XKR6: variants seen among roughly 807,000 people sequenced by gnomAD.
XKR6 encodes the protein XK-related protein 6.
In XKR6, 22 loss-of-function variants were observed where a neutral mutation model predicts 56.7. The ratio of observed to expected loss-of-function variants is 0.39; its 90% CI spans 0.28 to 0.55. The LOEUF is 0.55. XKR6 is among the 20% of genes least tolerant of loss of function. The pLI is 0.66. For synonymous variants in XKR6, 524 were observed against 387.8 expected (o/e 1.35, Z -4.13); for missense variants, 852 against 889.0 (o/e 0.96, Z 0.53).
At chr8:10,959,402 GT>G (rs1461475340) in intron 1 of XKR6, among the ~76,000 whole-genome samples, 1 of 152,128 alleles carries the variant, frequency 6.6e-6, no homozygotes, top group East Asian at 1.9e-4. Context: ...ATCAGCTCTG[GT>G]TGCTATAACA....
intron 1 of XKR6, among the ~76,000 whole-genome samples, chr8:10,946,221 G>A (rs1351886282): frequency 1.3e-5 from 2 of 151,960 alleles, no homozygotes; most frequent in Admixed American, 1.3e-4. Context: ...GAATGGGGGT[G>A]AGATCAGCTC....
intron 1 of XKR6, among the ~76,000 whole-genome samples, chr8:10,925,606 G>A (rs891659836): frequency 4.6e-5 from 7 of 152,308 alleles, no homozygotes; most frequent in African/African-American, 1.7e-4. Context: ...AAGCAGGTAG[G>A]GGGAAGAGCA....
intron 1 of XKR6, among the ~76,000 whole-genome samples, chr8:11,122,092 T>A (rs1799488199): frequency 1.3e-5 from 2 of 152,224 alleles, no homozygotes; most frequent in African/African-American, 4.8e-5. Context: ...GTTTTTCATC[T>A]CTTCCATCCC....
At chr8:11,033,339 G>T (rs1014536724) in intron 1 of XKR6, among the ~76,000 whole-genome samples, 26 of 149,600 alleles carry the variant, frequency 1.7e-4, no homozygotes, top group Admixed American at 8.6e-4. Context: ...TGGTGATGGT[G>T]GTGGTGATGA....
At chr8:10,910,654 G>A (rs1164988613) in intron 2 of XKR6, among the ~76,000 whole-genome samples, 1 of 152,198 alleles carries the variant, frequency 6.6e-6, no homozygotes, top group Non-Finnish European at 1.5e-5. Context: ...GGACAACAGG[G>A]AAGTACCAGA....
intron 1 of XKR6, among the ~76,000 whole-genome samples, chr8:10,978,486 G>T (rs1000096139): frequency 1.3e-5 from 2 of 152,172 alleles, no homozygotes; most frequent in East Asian, 3.8e-4. Context: ...AAGACGATTT[G>T]TTGAAGGCTG....
At chr8:11,069,256 C>G (rs1397763148) in intron 1 of XKR6, among the ~76,000 whole-genome samples, 2 of 151,088 alleles carry the variant, frequency 1.3e-5, no homozygotes, top group Non-Finnish European at 3.0e-5. Flanking sequence ...AAAAAAAAAT[C>G]TACATTTGGA....
intron 1 of XKR6, among the ~76,000 whole-genome samples, chr8:11,025,182 C>G (rs1385989143): frequency 6.6e-6 from 1 of 152,226 alleles, no homozygotes; most frequent in Non-Finnish European, 1.5e-5. Context: ...TCTGTTCCTG[C>G]CTCTTCTCCC....
chr8:10,999,097 T>C (rs1798182274), intron 1 of XKR6, among the ~76,000 whole-genome samples: 2 of 152,240 alleles, frequency 1.3e-5, no homozygotes, highest in African/African-American at 4.8e-5. Flanking sequence ...TTCTCCCTCC[T>C]AGGTCTAGCT....
At chr8:11,132,240 G>C (rs1800139130) in intron 1 of XKR6, among the ~76,000 whole-genome samples, 1 of 152,158 alleles carries the variant, frequency 6.6e-6, no homozygotes, top group African/African-American at 2.4e-5. Context: ...CAAGATCAAA[G>C]TGAATGCATC....
At chr8:11,131,637 T>C (rs1800108664) in intron 1 of XKR6, among the ~76,000 whole-genome samples, 1 of 152,294 alleles carries the variant, frequency 6.6e-6, no homozygotes, top group Non-Finnish European at 1.5e-5. Flanking sequence ...TGTCTAGCTC[T>C]CCTTTTCCAG....
At chr8:10,963,896 C>A (rs1393684940) in intron 1 of XKR6, among the ~76,000 whole-genome samples, 1 of 152,216 alleles carries the variant, frequency 6.6e-6, no homozygotes, top group East Asian at 1.9e-4. Context: ...GAACTGGGGT[C>A]AGTCCTGGAT....
At chr8:10,975,614 C>T (rs1802531929) in intron 1 of XKR6, among the ~76,000 whole-genome samples, 1 of 152,238 alleles carries the variant, frequency 6.6e-6, no homozygotes, top group Non-Finnish European at 1.5e-5. Flanking sequence ...TGACTCCTCT[C>T]TGGGCTGGAG....
intron 1 of XKR6, among the ~76,000 whole-genome samples, chr8:10,990,895 CTTTTTTTTTTTT>C (rs59410799): frequency 2.2e-4 from 16 of 73,598 alleles, no homozygotes; most frequent in African/African-American, 9.5e-4. Flanking sequence ...TGGGGAATGT[CTTTTTTTTTTTT>C]TTTTTTTTTT....
rs575349694 is a variant in XKR6, at chr8:11,153,132, A to G, written c.764+47444T>C. Among the ~76,000 whole-genome samples, 38 of 152,342 alleles carry G rather than the reference A, an allele frequency of 2.5e-4. No individual in the cohort carries two copies. In the South Asian group the frequency reaches 6.8e-3, roughly 27 times the overall value. On this transcript the variant is annotated intron_variant, in intron 1 of 2. Coordinates refer to ENST00000416569, the MANE Select transcript of XKR6 (RefSeq NM_173683.4). ...GTGCCAACATTCACAGTTTAATCCA[A>G]TGAAGAAACTGAGCCTATATAAAAA...
At chr8:10,924,923 C>A (rs1190342938) in intron 1 of XKR6, 93 bp from the exon 2 acceptor site, 18 of 1,354,644 alleles carry the variant, frequency 1.3e-5, no homozygotes, top group Non-Finnish European at 1.8e-5. Flanking sequence ...AGAGACTCAG[C>A]ATCCCCCCAA....
chr8:11,004,633 G>A (rs750903528), intron 1 of XKR6, among the ~76,000 whole-genome samples: 4 of 152,158 alleles, frequency 2.6e-5, no homozygotes, highest in Non-Finnish European at 5.9e-5. Context: ...ATCCACAGTG[G>A]AACCCTCTGC....
At chr8:10,950,582 A>C (rs1801688366) in intron 1 of XKR6, among the ~76,000 whole-genome samples, 1 of 152,242 alleles carries the variant, frequency 6.6e-6, no homozygotes, top group Non-Finnish European at 1.5e-5. Context: ...AAATGAAGAA[A>C]GGGATGTGTC....
chr8:10,950,926 G>A (rs1293391625), intron 1 of XKR6, among the ~76,000 whole-genome samples: 1 of 152,234 alleles, frequency 6.6e-6, no homozygotes, highest in African/African-American at 2.4e-5. Context: ...AGCCTGAGGT[G>A]CAGAGACGGC....
Sources: gnomAD v4.1 joint callset for allele counts (sites outside exome capture counted in the v4.1 genomes callset) on GRCh38, gnomAD v4.1.1 for gene constraint, MANE v1.5 for transcripts, NCBI Gene and HGNC (gene_info 2026-07-23, HGNC 2026-07-21) for gene names.